The following JAKMIP1 variants were observed in gnomAD, a reference collection of about 807,000 sequenced individuals.
JAKMIP1 encodes the protein janus kinase and microtubule interacting protein 1, also known as janus kinase and microtubule-interacting protein 1.
Under a neutral mutation model 113.0 loss-of-function variants are expected in JAKMIP1, and 33 were observed. The ratio of observed to expected loss-of-function variants is 0.29; its 90% CI spans 0.22 to 0.39. JAKMIP1 has a LOEUF of 0.39. Among genes scored for constraint, JAKMIP1 ranks in the 10% least tolerant of loss-of-function variants. The pLI is 1.00. For missense variants in JAKMIP1, 813 were observed against 1,080.5 expected, an observed-to-expected ratio of 0.75 and a Z score of 3.47; for synonymous variants, 480 against 459.9, an observed-to-expected ratio of 1.04 and a Z score of -0.56.
intron 2 of JAKMIP1, among the ~76,000 whole-genome samples, chr4:6,110,015 G>C (rs1285699543): frequency 6.6e-6 from 1 of 152,144 alleles, no homozygotes; most frequent in Non-Finnish European, 1.5e-5. Flanking sequence ...AGGCAGGGAG[G>C]CAGCCTGGTA....
chr4:6,073,022 T>C (rs2108806536), intron 8 of JAKMIP1, among the ~76,000 whole-genome samples: 1 of 149,068 alleles, frequency 6.7e-6, no homozygotes, highest in South Asian at 2.1e-4. Context: ...TGCCGTGAGC[T>C]GAGCTCCATC....
intron 3 of JAKMIP1, among the ~76,000 whole-genome samples, chr4:6,102,675 T>C (rs1713243609): frequency 6.7e-6 from 1 of 148,996 alleles, no homozygotes; most frequent in Non-Finnish European, 1.5e-5. Flanking sequence ...ATCACAACCA[T>C]AGCACCTGCA....
chr4:6,121,125 G>T (rs1053944183), intron 1 of JAKMIP1, among the ~76,000 whole-genome samples: 3 of 151,292 alleles, frequency 2.0e-5, no homozygotes, highest in African/African-American at 7.3e-5. Context: ...ACTTGAATCT[G>T]GGAGGCAGAG....
intron 20 of JAKMIP1, among the ~76,000 whole-genome samples, chr4:6,027,180 A>G (rs2108738390): frequency 6.6e-6 from 1 of 152,336 alleles, no homozygotes; most frequent in East Asian, 1.9e-4. Context: ...TTTGTTCAAA[A>G]GGAGTTGCAA....
intron 1 of JAKMIP1, among the ~76,000 whole-genome samples, chr4:6,169,185 T>C (rs553724975): frequency 2.0e-5 from 3 of 152,322 alleles, no homozygotes; most frequent in Non-Finnish European, 4.4e-5. Context: ...TTGGGTTGAA[T>C]AGTGCTTCCC....
chr4:6,074,485 T>C (rs944669003), intron 8 of JAKMIP1, among the ~76,000 whole-genome samples: 14 of 152,204 alleles, frequency 9.2e-5, no homozygotes, highest in Non-Finnish European at 1.8e-4. Context: ...CCATGTGTGA[T>C]GGACAGAGAG....
chr4:6,105,795 C>T lies in JAKMIP1; in HGVS notation c.302G>A (p.Arg101His), dbSNP rs759478347. Residue 101 changes from arginine (R) to histidine (H), a missense_variant, in exon 3 of 21, where the codon CGC (arginine) becomes CAC (histidine). Coordinates refer to ENST00000409021, the MANE Select transcript of JAKMIP1 (RefSeq NM_001099433.2). ...LIRQHEQEAARTAKIKEGELQ... is the reference protein window; with the variant it reads ...LIRQHEQEAAHTAKIKEGELQ... ...CTCGCCCTCCTTGATCTTGGCGGTGCGCGCCGCCTCCTGCTCGTGCTGCCG... is the reference window on the plus strand; with the variant it reads ...CTCGCCCTCCTTGATCTTGGCGGTGTGCGCCGCCTCCTGCTCGTGCTGCCG... 12 of 1,607,948 alleles carry T rather than the reference C, an allele frequency of 7.5e-6. No individual in the cohort carries two copies. The highest frequency in any genetic ancestry group is 1.1e-5 in the South Asian group (1 of 90,976).
At chr4:6,172,972 T>C (rs1457432998) in intron 1 of JAKMIP1, among the ~76,000 whole-genome samples, 1 of 152,198 alleles carries the variant, frequency 6.6e-6, no homozygotes, top group Non-Finnish European at 1.5e-5. Context: ...GCTGAGAGCC[T>C]GGGGGCTTCC....
At chr4:6,163,287 G>T (rs73075475) in intron 1 of JAKMIP1, among the ~76,000 whole-genome samples, 2 of 151,554 alleles carry the variant, frequency 1.3e-5, no homozygotes, top group Non-Finnish European at 2.9e-5. Context: ...AGCCCACCTC[G>T]TGTCTCTGTG....
chr4:6,039,752 T>C (rs912211480), intron 18 of JAKMIP1, among the ~76,000 whole-genome samples: 1 of 152,210 alleles, frequency 6.6e-6, no homozygotes, highest in African/African-American at 2.4e-5. Flanking sequence ...ACAAGGGTCA[T>C]AGCTAGTTGC....
intron 8 of JAKMIP1, chr4:6,070,115 G>A (rs367996759): frequency 1.4e-4 from 56 of 398,912 alleles, no homozygotes; most frequent in African/African-American, 3.7e-4. Context: ...CCAGGGCACA[G>A]AGACACAGGA....
chr4:6,067,134 G>A lies in JAKMIP1; in HGVS notation c.1303-2126C>T, dbSNP rs1259521071. ...ACATCTCCCCGCTGACGTAAGATCT[G>A]GCAAGCTATTGTGTTTACTGATGGT... On this transcript the variant is annotated intron_variant, in intron 8 of 20. Coordinates refer to ENST00000409021, the MANE Select transcript of JAKMIP1 (RefSeq NM_001099433.2). This position sits in a 1 kb window ranked among gnomAD's most constrained non-coding sequence, Gnocchi z 4.6. Among the ~76,000 whole-genome samples, 3 of 152,178 alleles carry A rather than the reference G, an allele frequency of 2.0e-5. No individual in the cohort carries two copies. In the East Asian group the frequency reaches 5.8e-4, roughly 29 times the overall value.
At chr4:6,146,232 G>GC in intron 1 of JAKMIP1, among the ~76,000 whole-genome samples, 1 of 137,600 alleles carries the variant, frequency 7.3e-6, no homozygotes, top group South Asian at 2.7e-4. Flanking sequence ...CAGGGGCTGG[G>GC]GGGAGGTTGC....
chr4:6,122,348 G>C (rs1716835708), intron 1 of JAKMIP1, among the ~76,000 whole-genome samples: 1 of 151,828 alleles, frequency 6.6e-6, no homozygotes, highest in African/African-American at 2.4e-5. Flanking sequence ...TAATAAAATA[G>C]CGTAGACAAA....
rs1560167491 is a variant in JAKMIP1 at position 6,089,261 on chromosome 4, T to C, written c.625-3632A>G. Among the ~76,000 whole-genome samples the C allele has an allele frequency of 2.6e-5, 4 of 152,330 alleles. No individual in the cohort carries two copies. Among genetic ancestry groups the C allele is most frequent in the Non-Finnish European group, 2.9e-5 (2 of 68,040 alleles). On this transcript the variant is annotated intron_variant, in intron 3 of 20. Coordinates refer to ENST00000409021, the MANE Select transcript of JAKMIP1 (RefSeq NM_001099433.2). The surrounding 1 kb of genome is among the most constrained non-coding windows in gnomAD (Gnocchi z 5.3). ...GGAGCTGCACCTACAGCAAATCCCA[T>C]GACTTCAGTTGGGGGAGCCAACAGA...
At chr4:6,087,904 G>A (rs1721523387) in intron 3 of JAKMIP1, among the ~76,000 whole-genome samples, 1 of 152,108 alleles carries the variant, frequency 6.6e-6, no homozygotes, top group Admixed American at 6.5e-5. Context: ...TGATCCACCA[G>A]CATCTACCTG....
rs77726893 is a variant in JAKMIP1 at position 6,168,517 on chromosome 4, A to C, written c.-148+31736T>G. Among the ~76,000 whole-genome samples the C allele has an allele frequency of 5.3e-5, 8 of 152,316 alleles. No individual in the cohort carries two copies. The East Asian group carries it at 1.5e-3, about 29-fold the overall frequency. On this transcript the variant is annotated intron_variant, in intron 1 of 20. Transcript: ENST00000409021. This position sits in a 1 kb window ranked among gnomAD's most constrained non-coding sequence, Gnocchi z 4.6. ...TACGACATGAATGAACCTGGAAAAC[A>C]TTCCACTAAATGAAGAAAGCCAGTC...
At chr4:6,105,261 G>A (rs990764743) in intron 3 of JAKMIP1, among the ~76,000 whole-genome samples, 2 of 152,214 alleles carry the variant, frequency 1.3e-5, no homozygotes, top group Non-Finnish European at 2.9e-5. Context: ...TCTCCATTAA[G>A]CTCCTTTGAC....
intron 16 of JAKMIP1, among the ~76,000 whole-genome samples, chr4:6,043,202 G>A (rs892691172): frequency 2.6e-5 from 4 of 151,770 alleles, no homozygotes; most frequent in African/African-American, 4.8e-5. Context: ...CCTCTTTCCC[G>A]ACCCCAGGCC....
Sources: gnomAD v4.1 joint callset for allele counts (sites outside exome capture counted in the v4.1 genomes callset) on GRCh38, gnomAD v4.1.1 for gene constraint, Gnocchi (gnomAD v3.1) non-coding constraint, MANE v1.5 for transcripts, NCBI Gene and HGNC (gene_info 2026-07-23, HGNC 2026-07-21) for gene names.